KIAA0825: variants seen among roughly 807,000 people sequenced by gnomAD.
KIAA0825 encodes KIAA0825, also known as uncharacterized protein KIAA0825.
In KIAA0825, 119 loss-of-function variants were observed where a neutral mutation model predicts 147.6. The observed-to-expected ratio is 0.81, with a 90% CI of 0.69 to 0.94. The LOEUF is 0.94. Among genes scored for constraint, KIAA0825 ranks in the 40% least tolerant of loss-of-function variants. The pLI, the probability that KIAA0825 is intolerant of heterozygous loss-of-function variation, is 0.00. For synonymous variants in KIAA0825, 470 were observed against 518.1 expected, an observed-to-expected ratio of 0.91 and a Z score of 1.26; for missense variants, 1,381 against 1,472.7, an observed-to-expected ratio of 0.94 and a Z score of 1.02.
chr5:94,417,031 C>G (rs1290206795), intron 15 of KIAA0825, 170 bp downstream of exon 15: 5 of 534,640 alleles, frequency 9.4e-6, no homozygotes, highest in Non-Finnish European at 1.6e-5. Flanking sequence ...TTTACAGGAA[C>G]CAATAATTAA....
chr5:94,246,693 T>G (rs1775636639), intron 20 of KIAA0825, among the ~76,000 whole-genome samples: 1 of 152,162 alleles, frequency 6.6e-6, no homozygotes, highest in Admixed American at 6.6e-5. Flanking sequence ...GTCCCATAAT[T>G]CTCTTGTCTG....
chr5:94,190,592 G>A (rs1770593455), intron 20 of KIAA0825, among the ~76,000 whole-genome samples: 1 of 147,368 alleles, frequency 6.8e-6, no homozygotes, highest in African/African-American at 2.5e-5. Flanking sequence ...GGTATTAGCT[G>A]TAGGTCTTTC....
At chr5:94,294,467 C>T (rs1392590772) in intron 20 of KIAA0825, among the ~76,000 whole-genome samples, 1 of 152,194 alleles carries the variant, frequency 6.6e-6, no homozygotes, top group South Asian at 2.1e-4. Flanking sequence ...GTGGCTCACA[C>T]CTGTAATCCC....
chr5:94,203,147 T>C (rs1771851100), intron 20 of KIAA0825, among the ~76,000 whole-genome samples: 2 of 152,186 alleles, frequency 1.3e-5, no homozygotes, highest in Non-Finnish European at 2.9e-5. Flanking sequence ...ACGTTTGCAA[T>C]AGAGTGCATA....
intron 20 of KIAA0825, among the ~76,000 whole-genome samples, chr5:94,290,292 A>G (rs1777830494): frequency 6.6e-6 from 1 of 151,830 alleles, no homozygotes; most frequent in Non-Finnish European, 1.5e-5. Flanking sequence ...CTAGCCCCCC[A>G]CCACCCAACA....
chr5:94,232,945 A>G (rs541821756), intron 20 of KIAA0825, among the ~76,000 whole-genome samples: 138 of 152,310 alleles, frequency 9.1e-4, no homozygotes, highest in African/African-American at 3.2e-3. Context: ...TCAAGGAGTA[A>G]TAGAATATTT....
intron 20 of KIAA0825, among the ~76,000 whole-genome samples, chr5:94,326,789 G>A (rs1303710876): frequency 6.6e-6 from 1 of 152,142 alleles, no homozygotes; most frequent in African/African-American, 2.4e-5. Context: ...CAAATCTATC[G>A]GTACTTGAAA....
chr5:94,205,861 C>T (rs918575928), intron 20 of KIAA0825, among the ~76,000 whole-genome samples: 1 of 152,104 alleles, frequency 6.6e-6, no homozygotes, highest in Non-Finnish European at 1.5e-5. Flanking sequence ...CCTTAGAGAA[C>T]AAAGAAACTG....
chr5:94,247,711 G>A (rs1775704593), intron 20 of KIAA0825, among the ~76,000 whole-genome samples: 1 of 152,080 alleles, frequency 6.6e-6, no homozygotes, highest in Non-Finnish European at 1.5e-5. Flanking sequence ...CTAGTGTAAA[G>A]TTCAGAAGAA....
At chr5:94,465,168 G>C in intron 10 of KIAA0825, 109 bp from the exon 11 acceptor site, 2 of 968,890 alleles carry the variant, frequency 2.1e-6, no homozygotes, top group Non-Finnish European at 3.0e-6. Flanking sequence ...TAAAGAGTTT[G>C]ACACACTAGA....
chr5:94,205,571 G>A lies in KIAA0825; in HGVS notation c.3711-51447C>T, dbSNP rs368293038. Among the ~76,000 whole-genome samples the A allele has an allele frequency of 1.6e-4, 25 of 152,148 alleles. No homozygotes were observed. The East Asian group carries it at 3.9e-3, about 24-fold the overall frequency. ...CTCCCAAAGTGCTGGGATTACAGGCGTGAGCCACCATGCCCGGCCCAATCT... is the reference window on the plus strand; with the variant it reads ...CTCCCAAAGTGCTGGGATTACAGGCATGAGCCACCATGCCCGGCCCAATCT... On this transcript the variant is annotated intron_variant, in intron 20 of 20. Transcript: ENST00000682413.
chr5:94,493,045 G>T (rs1366666182), intron 5 of KIAA0825, among the ~76,000 whole-genome samples: 1 of 152,138 alleles, frequency 6.6e-6, no homozygotes, highest in Non-Finnish European at 1.5e-5. Flanking sequence ...AGGATGTTTT[G>T]CATATAATTC....
At chr5:94,262,572 T>C (rs1049179384) in intron 20 of KIAA0825, among the ~76,000 whole-genome samples, 1 of 152,168 alleles carries the variant, frequency 6.6e-6, no homozygotes, top group African/African-American at 2.4e-5. Flanking sequence ...TGGGAACCCA[T>C]ATCATTCTGG....
At chr5:94,164,922 G>A (rs1375875022) in intron 20 of KIAA0825, among the ~76,000 whole-genome samples, 1 of 152,072 alleles carries the variant, frequency 6.6e-6, no homozygotes, top group Non-Finnish European at 1.5e-5. Context: ...AGAAAACATT[G>A]GGGAAAATCT....
At chr5:94,570,180 A>T (rs1779669280) in intron 2 of KIAA0825, 1 of 152,460 alleles carries the variant, frequency 6.6e-6, no homozygotes, top group Non-Finnish European at 1.5e-5. Flanking sequence ...ATCCCCTCCC[A>T]TTCCGACAAA....
At chr5:94,179,301 T>G (rs1769389418) in intron 20 of KIAA0825, among the ~76,000 whole-genome samples, 1 of 152,020 alleles carries the variant, frequency 6.6e-6, no homozygotes, top group Non-Finnish European at 1.5e-5. Flanking sequence ...CAACCAGGAT[T>G]TGGAGGAAAA....
chr5:94,172,734 T>TA (rs1314858995), intron 20 of KIAA0825, among the ~76,000 whole-genome samples: 2 of 152,202 alleles, frequency 1.3e-5, no homozygotes, highest in African/African-American at 2.4e-5. Flanking sequence ...CTACTATACT[T>TA]ACGGTCTGCT....
chr5:94,559,861 T>C (rs531622327), intron 2 of KIAA0825, among the ~76,000 whole-genome samples: 2 of 152,292 alleles, frequency 1.3e-5, no homozygotes, highest in South Asian at 4.1e-4. Context: ...ATATTTCATA[T>C]TTTGAGGTGG....
At chr5:94,335,086 T>C (rs919430668) in intron 20 of KIAA0825, among the ~76,000 whole-genome samples, 4 of 152,216 alleles carry the variant, frequency 2.6e-5, no homozygotes, top group Non-Finnish European at 2.9e-5. Context: ...GATTTTTTTA[T>C]GTGTTTAATA....
Sources: gnomAD v4.1 joint callset for allele counts (sites outside exome capture counted in the v4.1 genomes callset) on GRCh38, gnomAD v4.1.1 for gene constraint, MANE v1.5 for transcripts, NCBI Gene and HGNC (gene_info 2026-07-23, HGNC 2026-07-21) for gene names.